The following PSORS1C1 variants were observed in gnomAD, a reference collection of about 807,000 sequenced individuals.
The protein encoded by PSORS1C1 is psoriasis susceptibility 1 candidate 1.
In PSORS1C1, 7 loss-of-function variants were observed where a neutral mutation model predicts 9.4. The ratio of observed to expected loss-of-function variants is 0.75; its 90% confidence interval spans 0.42 to 1.40. The LOEUF (loss-of-function observed/expected upper bound fraction) is 1.40. Ranked by LOEUF, PSORS1C1 falls within the 40% of genes most tolerant of loss-of-function variation. The pLI is 0.01. For missense variants in PSORS1C1, 146 were observed against 178.1 expected (o/e 0.82, Z 1.02); for synonymous variants, 63 against 69.4 (o/e 0.91, Z 0.46).
intron 3 of PSORS1C1, chr6:31,137,963 T>C (rs1773229436): frequency 6.7e-7 from 1 of 1,494,350 alleles, no homozygotes; most frequent in Non-Finnish European, 8.9e-7. Context: ...ATCTGTACTC[T>C]TCCCGGGGTG....
At chr6:31,135,201 C>T (rs1347580415) in intron 3 of PSORS1C1, among the ~76,000 whole-genome samples, 1 of 152,140 alleles carries the variant, frequency 6.6e-6, no homozygotes, top group Non-Finnish European at 1.5e-5. Context: ...ATTGCAAATA[C>T]ATGTTAAAAA....
Position 31,138,041 on chromosome 6 carries a change from G to A in PSORS1C1, c.14-389G>A, listed in dbSNP as rs774026915. 5 of 1,531,650 alleles carry A rather than the reference G, an allele frequency of 3.3e-6. No homozygotes were observed. The East Asian group carries it at 1.1e-4, about 35-fold the overall frequency. 94.9% of individuals were successfully genotyped at this position (1,531,650 alleles called of 1,614,324 possible). A position where few individuals can be genotyped will look rare whatever the true frequency, so the allele number is the denominator to read the frequency against. On this transcript the variant is annotated intron_variant, in intron 3 of 5. Transcript: ENST00000259881. ...GGGCAGGAGGCCAGGGGTTTTCTGG[G>A]GGCTGGGGTCCTGCCGGCCAAGGGT...
In PSORS1C1 at chr6:31,139,116, A is replaced by G. The variant is rs1265094; in HGVS notation, c.167+337A>G. ...TTTATAGGGGAGGAGTGGAGGAGGG[A>G]CCAGCCCAGTGGCACAGGAATACCA... On this transcript the variant is annotated intron_variant, in intron 5 of 5. Transcript: ENST00000259881. The surrounding 1 kb of genome is among the most constrained non-coding windows in gnomAD (Gnocchi z 5.2). 0.51 allele frequency: 541,575 copies of G among 1,064,616 alleles called. 139,908 individuals carry two copies. Among genetic ancestry groups the G allele is most frequent in the Middle Eastern group, 0.57 (2,809 of 4,892 alleles). The allele number at this position is 1,064,616 out of a possible 1,614,324, so 65.9% of individuals were successfully genotyped here. A position where few individuals can be genotyped will look rare whatever the true frequency, so the allele number is the denominator to read the frequency against.
At chr6:31,134,103 T>C (rs9468873) in intron 3 of PSORS1C1, among the ~76,000 whole-genome samples, 38,257 of 147,534 alleles carry the variant, frequency 0.26, 5,787 homozygotes, top group African/African-American at 0.43. Flanking sequence ...CTCAGCCTCC[T>C]GAGAAGCTGG....
At chr6:31,120,861 T>G (rs1772422642) in intron 1 of PSORS1C1, among the ~76,000 whole-genome samples, 2 of 152,048 alleles carry the variant, frequency 1.3e-5, no homozygotes, top group Non-Finnish European at 2.9e-5. Flanking sequence ...CAGCTTTTTC[T>G]TCCACACTTG....
At chr6:31,134,155 A>G (rs937627423) in intron 3 of PSORS1C1, among the ~76,000 whole-genome samples, 3 of 140,448 alleles carry the variant, frequency 2.1e-5, no homozygotes, top group Non-Finnish European at 4.7e-5. Context: ...ATTTTTTTGT[A>G]TTTTTAGTAG....
chr6:31,117,762 G>C, intron 1 of PSORS1C1: 1 of 573,272 alleles, frequency 1.7e-6, no homozygotes, highest in Non-Finnish European at 3.1e-6. Context: ...CAGAAAAATA[G>C]AAAATTAGGT....
chr6:31,116,578 G>C, intron 1 of PSORS1C1: 2 of 1,613,830 alleles, frequency 1.2e-6, no homozygotes, highest in Non-Finnish European at 8.5e-7. Flanking sequence ...TTTGCCCTCA[G>C]AGATGGGGGG....
chr6:31,115,447 G>GT lies in PSORS1C1; in HGVS notation c.-229+556_-229+557insT, dbSNP rs1772055744. 1 of 167,722 alleles carries GT rather than the reference G, an allele frequency of 6.0e-6. No individual in the cohort carries two copies. The highest frequency in any genetic ancestry group is 2.4e-5 in the African/African-American group (1 of 41,560). The allele number at this position is 167,722 out of a possible 1,614,324, so 10.4% of individuals were successfully genotyped here. On this transcript the variant is annotated intron_variant, in intron 1 of 5. Transcript: ENST00000259881. This position sits in a 1 kb window ranked among gnomAD's most constrained non-coding sequence, Gnocchi z 4.2. ...CTTGAGAGGCAATGGGTGTGTTGGG[G>GT]ACGGTGATCTAGGAGGGCGTGGTGA...
At chr6:31,134,584 C>T (rs781547686) in intron 3 of PSORS1C1, among the ~76,000 whole-genome samples, 10 of 151,960 alleles carry the variant, frequency 6.6e-5, no homozygotes, top group East Asian at 1.9e-4. Flanking sequence ...GGATTACAGG[C>T]GTGAGCCACC....
chr6:31,117,108 T>TTGGAAGCTGCTGCTGCTGAAC, intron 1 of PSORS1C1: 1 of 1,614,192 alleles, frequency 6.2e-7, no homozygotes, highest in Non-Finnish European at 8.5e-7. Flanking sequence ...CATTCCCTAC[T>TTGGAAGCTGCTGCTGCTGAAC]TGGAAGCTGC....
chr6:31,131,362 G>C (rs1772903970), intron 3 of PSORS1C1, among the ~76,000 whole-genome samples: 1 of 152,000 alleles, frequency 6.6e-6, no homozygotes, highest in Admixed American at 6.6e-5. Context: ...GGGAAGCCAA[G>C]GCTGGTGGAT....
chr6:31,138,077 G>A, intron 3 of PSORS1C1: 1 of 1,568,772 alleles, frequency 6.4e-7, no homozygotes, highest in South Asian at 1.2e-5. Context: ...CGTCAGGCCG[G>A]GGAGGTTGAG....
intron 4 of PSORS1C1, 38 bp downstream of exon 4, chr6:31,138,497 T>A (rs770306707): frequency 6.2e-7 from 1 of 1,610,564 alleles, no homozygotes; most frequent in Non-Finnish European, 8.5e-7. Context: ...TAAAATGTCA[T>A]GAACCCCTAC....
At chr6:31,136,529 G>A (rs184065252) in intron 3 of PSORS1C1, among the ~76,000 whole-genome samples, 25 of 152,162 alleles carry the variant, frequency 1.6e-4, no homozygotes, top group Admixed American at 3.9e-4. Flanking sequence ...TCATTCTAGC[G>A]GGGGGCACAT....
In PSORS1C1 at chr6:31,116,758, A is replaced by G. The variant is rs771311172; in HGVS notation, c.-229+1867A>G. 1 of 1,613,090 alleles carries G rather than the reference A, an allele frequency of 6.2e-7. No homozygotes were observed. Among genetic ancestry groups the G allele is most frequent in the Non-Finnish European group, 8.5e-7 (1 of 1,180,014 alleles). ...ACCATAGGATTTGTCTACAGAGGTG[A>G]TTGGGGGACAGGGCTTGCCTGGAAG... On this transcript the variant is annotated intron_variant, in intron 1 of 5. Coordinates refer to ENST00000259881, the MANE Select transcript of PSORS1C1 (RefSeq NM_014068.3).
Position 31,115,059 on chromosome 6 carries a change from G to A in PSORS1C1, c.-229+168G>A, listed in dbSNP as rs965389493. ...AGCAATGAGAGAGGAGGGAAATGGC[G>A]GAAGGATCTGGGAGGCCAGGCAATC... On this transcript the variant is annotated intron_variant, in intron 1 of 5. Transcript: ENST00000259881. The surrounding 1 kb of genome is among the most constrained non-coding windows in gnomAD (Gnocchi z 4.2). 19 of 366,466 alleles carry A rather than the reference G, an allele frequency of 5.2e-5. No individual in the cohort carries two copies. The highest frequency in any genetic ancestry group is 2.1e-4 in the African/African-American group (10 of 46,968). 22.7% of individuals were successfully genotyped at this position (366,466 alleles called of 1,614,324 possible).
Position 31,127,152 on chromosome 6 carries a change from C to T in PSORS1C1, c.-65+1313C>T, listed in dbSNP as rs113771657. Among the ~76,000 whole-genome samples, 972 of 152,270 alleles carry T rather than the reference C, an allele frequency of 6.4e-3. 11 individuals carry two copies. Among genetic ancestry groups the T allele is most frequent in the Middle Eastern group, 0.02 (6 of 294 alleles). Reference sequence around the variant, plus strand: ...AGAGAGCGCCAGGGTGCAGTCTGAACGTGCTCTCGGGAGAGGAGAGGCCGG... The same window carrying T: ...AGAGAGCGCCAGGGTGCAGTCTGAATGTGCTCTCGGGAGAGGAGAGGCCGG... On this transcript the variant is annotated intron_variant, in intron 2 of 5. Coordinates refer to ENST00000259881, the MANE Select transcript of PSORS1C1 (RefSeq NM_014068.3).
intron 1 of PSORS1C1, chr6:31,116,116 CGGATGGAGCGGCA>C (rs780284826): frequency 1.2e-6 from 2 of 1,610,842 alleles, no homozygotes; most frequent in African/African-American, 1.3e-5. Context: ...TAGGATATCC[CGGATGGAGCGGCA>C]GGGGATCTTT....
Sources: allele counts gnomAD v4.1 joint callset (sites outside exome capture counted in the v4.1 genomes callset), GRCh38; gene constraint gnomAD v4.1.1; non-coding constraint Gnocchi (gnomAD v3.1); transcripts MANE v1.5; gene names NCBI Gene and HGNC (gene_info 2026-07-23, HGNC 2026-07-21).